The following ATOH8 variants were observed in gnomAD, a reference collection of about 807,000 sequenced individuals.
The protein encoded by ATOH8 is transcription factor ATOH8.
In ATOH8, 9 loss-of-function variants were observed where a neutral mutation model predicts 21.2. That is an observed-to-expected ratio of 0.42 (90% CI 0.26 to 0.74). The LOEUF is 0.74. ATOH8 is among the 30% of genes least tolerant of loss of function. The pLI is 0.24. For missense variants in ATOH8, 524 were observed against 470.9 expected (o/e 1.11, Z -1.04); for synonymous variants, 253 against 224.0 (o/e 1.13, Z -1.16).
intron 2 of ATOH8, chr2:85,783,807 T>A (rs1680558233): frequency 6.6e-6 from 1 of 152,200 alleles, no homozygotes; most frequent in Non-Finnish European, 1.5e-5. Flanking sequence ...ACAGCGCGGA[T>A]GCTTGCTATT....
chr2:85,767,965 C>CCACACAGGGTCTGGATTAG (rs1680068070), intron 2 of ATOH8, among the ~76,000 whole-genome samples: 1 of 152,226 alleles, frequency 6.6e-6, no homozygotes, highest in Non-Finnish European at 1.5e-5. Flanking sequence ...GGAGTCCCCA[C>CCACACAGGGTCTGGATTAG]CACACAGGGT....
chr2:85,791,139 G>C lies in ATOH8; in HGVS notation c.*4249G>C, dbSNP rs11676464. ...CCACATGTCTCCCTTCTGGTGACCC[G>C]GACCCCAGACAAACTATGCCTGCCT... On this transcript the variant is annotated 3_prime_UTR_variant, in exon 3 of 3. Transcript: ENST00000306279. 6.6e-6 allele frequency among the ~76,000 whole-genome samples: 1 copy of C among 152,002 alleles called. No individual in the cohort carries two copies. The highest frequency in any genetic ancestry group is 1.5e-5 in the Non-Finnish European group (1 of 67,974).
chr2:85,754,867 C>T lies in ATOH8; in HGVS notation c.678C>T (p.Ala226=). ...CTGCCGCCTCCTCCGAGATCAAAGC[C>T]CTGCAGCAGACCCGGAGGCTCCTGG... ...EATAASSEIK[A]LQQTRRLLAN... Residue 226 remains alanine (A), a synonymous_variant, in exon 1 of 3, where the codon GCC becomes GCT. Coordinates refer to ENST00000306279, the MANE Select transcript of ATOH8 (RefSeq NM_032827.7). 3 of 1,612,218 alleles carry T rather than the reference C, an allele frequency of 1.9e-6. No individual in the cohort carries two copies. The highest frequency in any genetic ancestry group is 2.5e-6 in the Non-Finnish European group (3 of 1,179,880).
At chr2:85,770,201 G>T (rs1680142887) in intron 2 of ATOH8, among the ~76,000 whole-genome samples, 1 of 150,910 alleles carries the variant, frequency 6.6e-6, no homozygotes, top group African/African-American at 2.5e-5. Context: ...GGGGACTGGT[G>T]TTGTCTGATG....
At chr2:85,778,281 TG>T (rs1163866672) in intron 2 of ATOH8, among the ~76,000 whole-genome samples, 1 of 151,668 alleles carries the variant, frequency 6.6e-6, no homozygotes, top group African/African-American at 2.4e-5. Flanking sequence ...TGTTTGCCAG[TG>T]AGTGTGCACA....
intron 1 of ATOH8, among the ~76,000 whole-genome samples, chr2:85,760,305 C>T (rs1428224389): frequency 1.3e-5 from 2 of 149,594 alleles, no homozygotes; most frequent in Non-Finnish European, 1.5e-5. Flanking sequence ...TCCTTTGGCC[C>T]GTGTCCTCTG....
chr2:85,782,976 G>A (rs1680534959), intron 2 of ATOH8, among the ~76,000 whole-genome samples: 1 of 152,200 alleles, frequency 6.6e-6, no homozygotes, highest in South Asian at 2.1e-4. Context: ...GATTACAGGC[G>A]TGACGCCTGG....
rs1045287240 is a variant in ATOH8, at chr2:85,785,579, G to C, written c.961-1306G>C. On this transcript the variant is annotated intron_variant, in intron 2 of 2. Transcript: ENST00000306279. The surrounding 1 kb of genome is among the most constrained non-coding windows in gnomAD (Gnocchi z 4.1). ...GCCCACGGGGCTCACCAGGGCCTGT[G>C]GTTAGCAGGCCCTCCACGTCGTGGT... Among the ~76,000 whole-genome samples, 7 of 152,182 alleles carry C rather than the reference G, an allele frequency of 4.6e-5. No individual in the cohort carries two copies. Among genetic ancestry groups the C allele is most frequent in the Admixed American group, 3.3e-4 (5 of 15,284 alleles).
chr2:85,771,641 A>C (rs1250654704), intron 2 of ATOH8, among the ~76,000 whole-genome samples: 1 of 152,218 alleles, frequency 6.6e-6, no homozygotes, highest in Non-Finnish European at 1.5e-5. Context: ...GCCCATCCAG[A>C]AATCCTCGGA....
chr2:85,754,016 A>C lies in ATOH8; in HGVS notation c.-174A>C. The stretch of plus-strand genomic sequence containing the variant: ...AGATGACACTCTGAGCGCTCCGGGA[A>C]CGGACAGCCCGGCGGCTTCCCGAAG... On this transcript the variant is annotated 5_prime_UTR_variant, in exon 1 of 3. Coordinates refer to ENST00000306279, the MANE Select transcript of ATOH8 (RefSeq NM_032827.7). 4.6e-6 allele frequency: 3 copies of C among 648,072 alleles called. No homozygotes were observed. The highest frequency in any genetic ancestry group is 2.0e-5 in the African/African-American group (1 of 50,238). The allele number at this position is 648,072 out of a possible 1,614,324, so 40.1% of individuals were successfully genotyped here. A position where few individuals can be genotyped will look rare whatever the true frequency, so the allele number is the denominator to read the frequency against.
At chr2:85,755,431 A>G (rs112006288) in intron 1 of ATOH8, among the ~76,000 whole-genome samples, 4 of 152,230 alleles carry the variant, frequency 2.6e-5, no homozygotes, top group African/African-American at 9.6e-5. Context: ...GATGCCCCGA[A>G]CACTCAGGTT....
chr2:85,757,856 G>A (rs1414221882), intron 1 of ATOH8, among the ~76,000 whole-genome samples: 3 of 147,862 alleles, frequency 2.0e-5, no homozygotes, highest in Non-Finnish European at 4.4e-5. Flanking sequence ...TGTGATCTCA[G>A]CTCACTGCAA....
intron 2 of ATOH8, among the ~76,000 whole-genome samples, chr2:85,775,681 C>T (rs533236738): frequency 5.3e-5 from 8 of 152,306 alleles, no homozygotes; most frequent in Admixed American, 1.3e-4. Context: ...AAGAGTGTTT[C>T]TCCTCACCAG....
At chr2:85,772,388 G>A (rs1191449982) in intron 2 of ATOH8, among the ~76,000 whole-genome samples, 2 of 152,194 alleles carry the variant, frequency 1.3e-5, no homozygotes, top group African/African-American at 2.4e-5. Flanking sequence ...TGGAACAGAG[G>A]GTCCCCCGCC....
At chr2:85,777,669 A>C (rs754710008) in intron 2 of ATOH8, among the ~76,000 whole-genome samples, 5 of 152,198 alleles carry the variant, frequency 3.3e-5, no homozygotes, top group Admixed American at 1.3e-4. Context: ...CACAGAAAAC[A>C]TGTGGCTTCC....
chr2:85,767,009 C>T (rs933180587), intron 2 of ATOH8, among the ~76,000 whole-genome samples: 2 of 152,180 alleles, frequency 1.3e-5, no homozygotes, highest in Non-Finnish European at 2.9e-5. Flanking sequence ...AGGGTACTTC[C>T]CTGCCTCCTG....
rs778911483 is a variant in ATOH8, at chr2:85,754,750, C to A, written c.561C>A (p.Pro187=). 5 of 1,612,722 alleles carry A rather than the reference C, an allele frequency of 3.1e-6. No individual in the cohort carries two copies. The South Asian group carries it at 4.4e-5, about 14-fold the overall frequency. Reference sequence around the variant, plus strand: ...TGCGCCCTGCGCCCCCGACGCGCCCCGGGGAAAGTTCCTACTCGTCAATTT... The same window carrying A: ...TGCGCCCTGCGCCCCCGACGCGCCCAGGGGAAAGTTCCTACTCGTCAATTT... The part of the protein sequence containing the change: ...STVRPAPPTR[P]GESSYSSISH... Residue 187 remains proline (P), a synonymous_variant, in exon 1 of 3, where the codon CCC becomes CCA. Coordinates refer to ENST00000306279, the MANE Select transcript of ATOH8 (RefSeq NM_032827.7).
chr2:85,760,190 C>T (rs1679824073), intron 1 of ATOH8, among the ~76,000 whole-genome samples: 1 of 152,108 alleles, frequency 6.6e-6, no homozygotes. Flanking sequence ...AAGTCTGTTC[C>T]TCCAAAGTTT....
intron 2 of ATOH8, among the ~76,000 whole-genome samples, chr2:85,784,448 T>G (rs113634581): frequency 0.076 from 11,503 of 152,002 alleles, 1,334 homozygotes; most frequent in African/African-American, 0.25. Context: ...AGGCTGAGGC[T>G]GGAGGATCGC....
Sources: allele counts gnomAD v4.1 joint callset (sites outside exome capture counted in the v4.1 genomes callset), GRCh38; gene constraint gnomAD v4.1.1; non-coding constraint Gnocchi (gnomAD v3.1); transcripts MANE v1.5; gene names NCBI Gene and HGNC (gene_info 2026-07-23, HGNC 2026-07-21).